Variants in FAM171A1 observed in about 807,000 individuals in gnomAD.
FAM171A1 encodes the protein protein FAM171A1.
A neutral mutation model predicts 74.9 loss-of-function variants in FAM171A1; 23 were observed. The ratio of observed to expected loss-of-function variants is 0.31; its 90% CI spans 0.22 to 0.44. The LOEUF (loss-of-function observed/expected upper bound fraction) is 0.44. Ranked by LOEUF, FAM171A1 falls within the 20% of genes least tolerant of loss-of-function variation. The probability of loss-of-function intolerance (pLI) is 1.00; values close to 1 mark genes in which losing one functional copy is unlikely to be tolerated. For synonymous variants in FAM171A1, 527 were observed against 505.7 expected (o/e 1.04, Z -0.57); for missense variants, 1,162 against 1,159.2 (o/e 1.00, Z -0.03).
intron 5 of FAM171A1, among the ~76,000 whole-genome samples, chr10:15,230,835 T>C (rs574507896): frequency 5.3e-5 from 8 of 152,326 alleles, no homozygotes; most frequent in African/African-American, 1.4e-4. Context: ...GAATTTACAA[T>C]AGATATATAT....
At chr10:15,240,167 C>G (rs1479945270) in intron 5 of FAM171A1, among the ~76,000 whole-genome samples, 1 of 152,132 alleles carries the variant, frequency 6.6e-6, no homozygotes, top group Non-Finnish European at 1.5e-5. Flanking sequence ...TCGAGACCAG[C>G]CTGGTCAACA....
Position 15,213,790 on chromosome 10 carries a change from G to T in FAM171A1, c.1798C>A (p.Pro600Thr), listed in dbSNP as rs543181655. The change falls in exon 8 of 8, where the codon CCC (proline) becomes ACC (threonine). Residue 600 changes from proline (P) to threonine (T), a missense_variant. Coordinates refer to ENST00000378116, the MANE Select transcript of FAM171A1 (RefSeq NM_001010924.2). The surrounding 1 kb of genome is among the most constrained non-coding windows in gnomAD (Gnocchi z 6.8). ...TGCTGATCAGCCGGGACGACGAGGG[G>T]CTGGCTGACATAGGAGTGGTCCCCG... ...LPGDHSYVSQ[P>T]LVVPADQQLE... is the part of the protein sequence containing the mutation. The T allele has an allele frequency of 1.9e-6, 3 of 1,614,178 alleles. No homozygotes were observed. Among genetic ancestry groups the T allele is most frequent in the Admixed American group, 3.3e-5 (2 of 60,026 alleles).
chr10:15,370,400 C>A (rs944730443), intron 1 of FAM171A1, among the ~76,000 whole-genome samples: 1 of 151,544 alleles, frequency 6.6e-6, no homozygotes, highest in African/African-American at 2.4e-5. Flanking sequence ...TCCCAAACTG[C>A]GGCAGGCTAG....
At chr10:15,223,839 C>A (rs1324361182) in intron 5 of FAM171A1, among the ~76,000 whole-genome samples, 1 of 152,114 alleles carries the variant, frequency 6.6e-6, no homozygotes, top group Non-Finnish European at 1.5e-5. Flanking sequence ...GCGGAGGTTG[C>A]GGTGAGCTGA....
intron 1 of FAM171A1, among the ~76,000 whole-genome samples, chr10:15,312,596 C>T (rs11593428): frequency 0.24 from 34,433 of 141,650 alleles, 4,129 homozygotes; most frequent in Middle Eastern, 0.29. Flanking sequence ...CGGCTGCAAA[C>T]TGAACTGTTT....
rs570847542 is a variant in FAM171A1 at position 15,269,403 on chromosome 10, G to GC, written c.418+6451dup. 2.4e-3 allele frequency among the ~76,000 whole-genome samples: 367 copies of GC among 152,126 alleles called. 4 individuals carry two copies. The highest frequency in any genetic ancestry group is 8.5e-3 in the African/African-American group (354 of 41,496). Reference sequence around the variant, plus strand: ...CAAAGTGCTGGGATTACAGGTGTGAGCCATTGTGCCTGGCCAGGCCATGAT... The same window carrying GC: ...CAAAGTGCTGGGATTACAGGTGTGAGCCCATTGTGCCTGGCCAGGCCATGAT... On this transcript the variant is annotated intron_variant, in intron 3 of 7. Coordinates refer to ENST00000378116, the MANE Select transcript of FAM171A1 (RefSeq NM_001010924.2).
At chr10:15,368,876 G>T (rs1836098216) in intron 1 of FAM171A1, among the ~76,000 whole-genome samples, 2 of 152,190 alleles carry the variant, frequency 1.3e-5, no homozygotes, top group African/African-American at 2.4e-5. Flanking sequence ...AGGAGAAATT[G>T]TCCATTCCCT....
chr10:15,217,096 C>T (rs976187317), intron 6 of FAM171A1, among the ~76,000 whole-genome samples: 1 of 152,108 alleles, frequency 6.6e-6, no homozygotes, highest in Non-Finnish European at 1.5e-5. Context: ...CTCTTTAGAA[C>T]TTATACATAA....
In FAM171A1 at chr10:15,331,880, C is replaced by CATATACAT. The variant is rs369794100; in HGVS notation, c.97+39075_97+39076insATGTATAT. ...GTGTGTATATATATGTGTGTGTATA[C>CATATACAT]ATATATATATATATATGAAACAATT... On this transcript the variant is annotated intron_variant, in intron 1 of 7. Coordinates refer to ENST00000378116, the MANE Select transcript of FAM171A1 (RefSeq NM_001010924.2). 1.1e-3 allele frequency among the ~76,000 whole-genome samples: 68 copies of CATATACAT among 59,680 alleles called. 3 individuals carry two copies. The highest frequency in any genetic ancestry group is 0.01 in the Middle Eastern group (1 of 96). 39.2% of individuals were successfully genotyped at this position (59,680 alleles called of 152,430 possible).
chr10:15,347,994 T>G (rs1835836568), intron 1 of FAM171A1, among the ~76,000 whole-genome samples: 1 of 152,280 alleles, frequency 6.6e-6, no homozygotes, highest in Non-Finnish European at 1.5e-5. Flanking sequence ...TTTCTTTCTT[T>G]TGAGACGGGG....
chr10:15,247,983 C>T (rs1478968496), intron 5 of FAM171A1, among the ~76,000 whole-genome samples: 1 of 152,164 alleles, frequency 6.6e-6, no homozygotes, highest in Admixed American at 6.6e-5. Flanking sequence ...CCTTGACTCA[C>T]AGCTTGACAG....
In FAM171A1 at chr10:15,371,008, G is replaced by C; in HGVS notation, c.45C>G (p.His15Gln). 8.4e-7 allele frequency: 1 copy of C among 1,189,204 alleles called. No individual in the cohort carries two copies. Among genetic ancestry groups the C allele is most frequent in the Non-Finnish European group, 1.1e-6 (1 of 936,858 alleles). 73.7% of individuals were successfully genotyped at this position (1,189,204 alleles called of 1,614,324 possible). ...GCGTCTTGGTCACCGCCTTCCAGAC[G>C]TGGCAGCCCAGCAGGCACAGCAGCA... ...ATLLLCLLGC[H>Q]VWKAVTKTLR... is the part of the protein sequence containing the mutation. Residue 15 changes from histidine (H) to glutamine (Q), a missense_variant, in exon 1 of 8, where the codon CAC (histidine) becomes CAG (glutamine). Transcript: ENST00000378116.
intron 3 of FAM171A1, among the ~76,000 whole-genome samples, chr10:15,273,771 CAA>C (rs933839800): frequency 1.3e-5 from 2 of 152,122 alleles, no homozygotes; most frequent in African/African-American, 4.8e-5. Flanking sequence ...TAAACAGAAC[CAA>C]AGACAAAAAC....
At chr10:15,279,534 T>C (rs1834939670) in intron 2 of FAM171A1, among the ~76,000 whole-genome samples, 1 of 151,660 alleles carries the variant, frequency 6.6e-6, no homozygotes, top group Admixed American at 6.6e-5. Context: ...TTTTTTTTGA[T>C]ACCTAGAGGG....
At chr10:15,373,237 G>A (rs1836170687), upstream of FAM171A1, among the ~76,000 whole-genome samples, 1 of 152,188 alleles carries the variant, frequency 6.6e-6, no homozygotes, top group Admixed American at 6.5e-5. Context: ...CAGGAAGGCA[G>A]AAAGAAATAG....
At chr10:15,269,182 C>G (rs539291102) in intron 3 of FAM171A1, among the ~76,000 whole-genome samples, 9 of 152,262 alleles carry the variant, frequency 5.9e-5, no homozygotes, top group South Asian at 4.1e-4. Flanking sequence ...GATACGATCA[C>G]GGTTCACTGC....
intron 2 of FAM171A1, among the ~76,000 whole-genome samples, chr10:15,280,667 C>A (rs550644111): frequency 2.0e-4 from 31 of 152,310 alleles, no homozygotes; most frequent in African/African-American, 7.0e-4. Flanking sequence ...CGTAAGAATG[C>A]TCATGCACAC....
chr10:15,216,663 A>G (rs1194384220), intron 6 of FAM171A1, among the ~76,000 whole-genome samples: 1 of 151,974 alleles, frequency 6.6e-6, no homozygotes, highest in African/African-American at 2.4e-5. Flanking sequence ...TGAACTCCTG[A>G]GTTCGAGCAA....
At chr10:15,234,143 T>C (rs529907192) in intron 5 of FAM171A1, among the ~76,000 whole-genome samples, 6 of 151,816 alleles carry the variant, frequency 4.0e-5, no homozygotes, top group African/African-American at 9.7e-5. Context: ...CAAAACTACA[T>C]TCGAAAGGAA....
Sources: gnomAD v4.1 joint callset for allele counts (sites outside exome capture counted in the v4.1 genomes callset) on GRCh38, gnomAD v4.1.1 for gene constraint, Gnocchi (gnomAD v3.1) non-coding constraint, MANE v1.5 for transcripts, NCBI Gene and HGNC (gene_info 2026-07-23, HGNC 2026-07-21) for gene names.